The following UNC13C variants were observed in gnomAD, a reference collection of about 807,000 sequenced individuals.
UNC13C encodes protein unc-13 homolog C.
UNC13C carries 174 observed loss-of-function variants against 245.4 expected under a neutral mutation model. The observed-to-expected ratio is 0.71, with a 90% CI of 0.63 to 0.80. UNC13C has a LOEUF of 0.80. Ranked by LOEUF, UNC13C falls within the 30% of genes least tolerant of loss-of-function variation. UNC13C has a pLI of 0.00. For missense variants in UNC13C, 2,829 were observed against 2,602.9 expected, an observed-to-expected ratio of 1.09 and a Z score of -1.89; for synonymous variants, 992 against 895.1, an observed-to-expected ratio of 1.11 and a Z score of -1.93.
chr15:54,225,357 A>G (rs999836008), intron 4 of UNC13C, among the ~76,000 whole-genome samples: 3 of 152,176 alleles, frequency 2.0e-5, no homozygotes, highest in African/African-American at 7.2e-5. Flanking sequence ...AATGTCAAAG[A>G]TAGTTTAATG....
At chr15:53,962,762 C>G in the UNC13C span, among the ~76,000 whole-genome samples, 1 of 152,166 alleles carries the variant, frequency 6.6e-6, no homozygotes. Flanking sequence ...TAGTGACTTT[C>G]TTTTTCTTCA....
intron 1 of UNC13C, among the ~76,000 whole-genome samples, chr15:53,982,533 G>A (rs1893967683): frequency 6.6e-6 from 1 of 152,034 alleles, no homozygotes; most frequent in African/African-American, 2.4e-5. Context: ...AGGAAGAAGG[G>A]TTGTATTTTG....
At chr15:54,321,465 TG>T in intron 13 of UNC13C, 1 of 489,836 alleles carries the variant, frequency 2.0e-6, no homozygotes, top group Non-Finnish European at 4.1e-6. Context: ...CTTGCGTTCA[TG>T]GCTACATCCA....
At chr15:54,375,542 T>G (rs1457886730) in intron 17 of UNC13C, among the ~76,000 whole-genome samples, 3 of 152,232 alleles carry the variant, frequency 2.0e-5, no homozygotes, top group Non-Finnish European at 4.4e-5. Flanking sequence ...TTTTTACAGA[T>G]GTAATTAAGG....
intron 19 of UNC13C, among the ~76,000 whole-genome samples, chr15:54,448,743 G>A (rs1890979790): frequency 6.6e-6 from 1 of 152,204 alleles, no homozygotes; most frequent in Non-Finnish European, 1.5e-5. Flanking sequence ...GCCAGTCTGT[G>A]TCTTTTAATT....
At chr15:54,541,004 C>G (rs1896219350) in intron 26 of UNC13C, among the ~76,000 whole-genome samples, 1 of 151,814 alleles carries the variant, frequency 6.6e-6, no homozygotes, top group Non-Finnish European at 1.5e-5. Flanking sequence ...TGTTTTGTAC[C>G]CTATGTCCAT....
chr15:54,211,913 C>T (rs2034891578), intron 4 of UNC13C, among the ~76,000 whole-genome samples: 1 of 152,088 alleles, frequency 6.6e-6, no homozygotes, highest in African/African-American at 2.4e-5. Context: ...CTCCCTCTTA[C>T]ATTGTCCCTG....
chr15:54,407,287 G>A (rs1434446166), intron 18 of UNC13C, among the ~76,000 whole-genome samples: 1 of 152,114 alleles, frequency 6.6e-6, no homozygotes, highest in Non-Finnish European at 1.5e-5. Context: ...TTAGGAACAG[G>A]GAAGAGAGAG....
the UNC13C span, among the ~76,000 whole-genome samples, chr15:53,940,405 A>G: frequency 6.6e-6 from 1 of 152,138 alleles, no homozygotes; most frequent in Non-Finnish European, 1.5e-5. Context: ...GAAAATCAGG[A>G]CAAGATAAGG....
chr15:53,884,983 C>T, the UNC13C span, among the ~76,000 whole-genome samples: 6 of 152,162 alleles, frequency 3.9e-5, no homozygotes, highest in African/African-American at 1.2e-4. Context: ...CTATTAGTGA[C>T]TAATACTGCA....
chr15:54,350,923 A>G (rs1161811229), intron 17 of UNC13C, among the ~76,000 whole-genome samples: 2 of 152,236 alleles, frequency 1.3e-5, no homozygotes, highest in Admixed American at 6.5e-5. Flanking sequence ...AATACTATCA[A>G]GTAAGTTGTT....
At chr15:54,051,797 C>T (rs1897279286) in intron 2 of UNC13C, among the ~76,000 whole-genome samples, 3 of 149,736 alleles carry the variant, frequency 2.0e-5, no homozygotes, top group Non-Finnish European at 3.0e-5. Context: ...TTTTTGGGTA[C>T]ATGTGCACAT....
At chr15:54,217,890 T>A (rs2035091048) in intron 4 of UNC13C, among the ~76,000 whole-genome samples, 1 of 151,854 alleles carries the variant, frequency 6.6e-6, no homozygotes, top group Non-Finnish European at 1.5e-5. Context: ...AGGCATCATT[T>A]CTGGGACAAA....
the UNC13C span, among the ~76,000 whole-genome samples, chr15:53,937,114 T>A: frequency 6.6e-6 from 1 of 152,158 alleles, no homozygotes; most frequent in East Asian, 1.9e-4. Context: ...TCTAACCCAA[T>A]GCAAAGAAGC....
intron 19 of UNC13C, among the ~76,000 whole-genome samples, chr15:54,492,334 T>C (rs1409378043): frequency 6.6e-6 from 1 of 152,118 alleles, no homozygotes; most frequent in Non-Finnish European, 1.5e-5. Flanking sequence ...ATACAAATTA[T>C]TAATATTAGA....
At chr15:54,447,971 G>T (rs953464638) in intron 19 of UNC13C, among the ~76,000 whole-genome samples, 3 of 152,110 alleles carry the variant, frequency 2.0e-5, no homozygotes, top group Admixed American at 6.5e-5. Context: ...CTGGTATGTT[G>T]TGTCTTTGTT....
chr15:54,079,436 A>C (rs1047685144), intron 2 of UNC13C, among the ~76,000 whole-genome samples: 1 of 152,042 alleles, frequency 6.6e-6, no homozygotes, highest in Non-Finnish European at 1.5e-5. Flanking sequence ...AATTCTTCCT[A>C]TTCATAAGCA....
At chr15:53,840,577 G>T in the UNC13C span, among the ~76,000 whole-genome samples, 1 of 152,136 alleles carries the variant, frequency 6.6e-6, no homozygotes, top group Non-Finnish European at 1.5e-5. Context: ...TGAGGACAGG[G>T]TTCAAGACCA....
intron 8 of UNC13C, among the ~76,000 whole-genome samples, chr15:54,258,390 G>A (rs547239605): frequency 1.3e-5 from 2 of 152,088 alleles, no homozygotes; most frequent in South Asian, 4.2e-4. Flanking sequence ...TTGAGACAAA[G>A]TCCCACTCTG....
Sources: gnomAD v4.1 joint callset for allele counts (sites outside exome capture counted in the v4.1 genomes callset) on GRCh38, gnomAD v4.1.1 for gene constraint, MANE v1.5 for transcripts, NCBI Gene and HGNC (gene_info 2026-07-23, HGNC 2026-07-21) for gene names.